Variants in KLHL1 observed in about 807,000 individuals in gnomAD.
KLHL1 encodes the protein kelch-like protein 1.
A neutral mutation model predicts 77.7 loss-of-function variants in KLHL1; 47 were observed. The ratio of observed to expected loss-of-function variants is 0.60; its 90% CI spans 0.48 to 0.77. The LOEUF is 0.77. Among genes scored for constraint, KLHL1 ranks in the 30% least tolerant of loss-of-function variants. The pLI, the probability that KLHL1 is intolerant of heterozygous loss-of-function variation, is 0.00. For synonymous variants in KLHL1, 360 were observed against 325.2 expected, an observed-to-expected ratio of 1.11 and a Z score of -1.15; for missense variants, 925 against 910.8, an observed-to-expected ratio of 1.02 and a Z score of -0.20.
chr13:70,078,054 T>G (rs1887305375), intron 1 of KLHL1, among the ~76,000 whole-genome samples: 1 of 152,016 alleles, frequency 6.6e-6, no homozygotes, highest in Non-Finnish European at 1.5e-5. Context: ...TAAATGATCT[T>G]TTTTCTTTTT....
At chr13:69,735,573 A>G (rs1199323726) in intron 8 of KLHL1, among the ~76,000 whole-genome samples, 1 of 149,582 alleles carries the variant, frequency 6.7e-6, no homozygotes, top group East Asian at 2.0e-4. Context: ...ATAAATAAAC[A>G]CATAATATGT....
chr13:69,724,508 C>A (rs1176606523), intron 8 of KLHL1, among the ~76,000 whole-genome samples: 1 of 151,932 alleles, frequency 6.6e-6, no homozygotes, highest in African/African-American at 2.4e-5. Context: ...GTCAGCATTG[C>A]CCTAATACCA....
At position 69,777,854 on chromosome 13, in the gene KLHL1, C is replaced by T. The variant is rs76404295; in HGVS notation, c.1639+18884G>A. Reference sequence around the variant, plus strand: ...ATGTGTAAAGTCCTTGAATACAATACCTTACTTATCATTTTATTCTGAGTA... The same window carrying T: ...ATGTGTAAAGTCCTTGAATACAATATCTTACTTATCATTTTATTCTGAGTA... On this transcript the variant is annotated intron_variant, in intron 7 of 10. Coordinates refer to ENST00000377844, the MANE Select transcript of KLHL1 (RefSeq NM_020866.3). Among the ~76,000 whole-genome samples, 718 of 152,170 alleles carry T rather than the reference C, an allele frequency of 4.7e-3. 34 individuals carry two copies. The East Asian group carries it at 0.12, about 25-fold the overall frequency.
rs770629395 is a variant in KLHL1, at chr13:70,107,265, C to A, written c.435G>T (p.Leu145=). Residue 145 remains leucine (L), a synonymous_variant, in exon 1 of 11, where the codon CTG becomes CTT. Coordinates refer to ENST00000377844, the MANE Select transcript of KLHL1 (RefSeq NM_020866.3). ...TGTCTGGCTCCACTTTGAGCTCTTGCAGAACCAGCCCTTTTTCGTGTGGTC... is the reference window on the plus strand; with the variant it reads ...TGTCTGGCTCCACTTTGAGCTCTTGAAGAACCAGCCCTTTTTCGTGTGGTC... The part of the protein sequence containing the change: ...FPGPHEKGLV[L]QELKVEPDNS... The A allele has an allele frequency of 1.9e-6, 3 of 1,614,090 alleles. No homozygotes were observed. The highest frequency in any genetic ancestry group is 2.2e-5 in the South Asian group (2 of 91,082).
At chr13:69,956,025 T>TATTTATATATATTTGATATATAG (rs1323712887) in intron 3 of KLHL1, among the ~76,000 whole-genome samples, 1 of 102,722 alleles carries the variant, frequency 9.7e-6, no homozygotes, top group Non-Finnish European at 2.0e-5. Context: ...TTGATATATA[T>TATTTATATATATTTGATATATAG]TTATATATAT....
chr13:70,075,666 T>TGTGTGTATATATATATACACAC (rs1887251341), intron 1 of KLHL1, among the ~76,000 whole-genome samples: 1 of 143,384 alleles, frequency 7.0e-6, no homozygotes, highest in African/African-American at 2.6e-5. Flanking sequence ...TACCTATGTG[T>TGTGTGTATATATATATACACAC]GTGTGTATAT....
intron 7 of KLHL1, among the ~76,000 whole-genome samples, chr13:69,748,143 A>G (rs1354393403): frequency 1.3e-5 from 2 of 152,000 alleles, no homozygotes; most frequent in Admixed American, 6.6e-5. Context: ...TTAATTAACC[A>G]AAGTATTGCC....
chr13:69,930,199 A>G (rs1566413764), intron 4 of KLHL1, among the ~76,000 whole-genome samples: 1 of 151,876 alleles, frequency 6.6e-6, no homozygotes, highest in African/African-American at 2.4e-5. Flanking sequence ...CATGAGATAA[A>G]TTAAGGTAAT....
At chr13:69,777,844 G>C (rs1037479794) in intron 7 of KLHL1, among the ~76,000 whole-genome samples, 1 of 152,126 alleles carries the variant, frequency 6.6e-6, no homozygotes, top group East Asian at 1.9e-4. Flanking sequence ...TAAAGTCCTT[G>C]AATACAATAC....
chr13:69,727,010 CTG>C (rs1311459149), intron 8 of KLHL1, among the ~76,000 whole-genome samples: 1 of 151,954 alleles, frequency 6.6e-6, no homozygotes, highest in Non-Finnish European at 1.5e-5. Context: ...TTAAGTTCCA[CTG>C]AAGCAAGACT....
intron 8 of KLHL1, among the ~76,000 whole-genome samples, chr13:69,734,968 T>C (rs1264402894): frequency 1.3e-5 from 2 of 152,066 alleles, no homozygotes; most frequent in Non-Finnish European, 2.9e-5. Context: ...TAATGAAGAA[T>C]GTTGTGAAAT....
chr13:69,736,708 A>G (rs1873780641), intron 8 of KLHL1, among the ~76,000 whole-genome samples: 1 of 152,026 alleles, frequency 6.6e-6, no homozygotes, highest in East Asian at 1.9e-4. Context: ...ATATACACAC[A>G]CCATGGAATA....
intron 1 of KLHL1, among the ~76,000 whole-genome samples, chr13:70,086,444 G>T (rs1358917981): frequency 6.6e-6 from 1 of 151,166 alleles, no homozygotes; most frequent in African/African-American, 2.4e-5. Flanking sequence ...TTAGCCTGGC[G>T]GTGGTGGGCA....
intron 5 of KLHL1, among the ~76,000 whole-genome samples, chr13:69,880,093 C>T (rs1020654535): frequency 6.6e-6 from 1 of 152,094 alleles, no homozygotes; most frequent in South Asian, 2.1e-4. Context: ...GTAGAAATAT[C>T]TCTGTGTATA....
intron 4 of KLHL1, among the ~76,000 whole-genome samples, chr13:69,921,939 T>C (rs1882654180): frequency 1.3e-5 from 2 of 149,552 alleles, no homozygotes; most frequent in African/African-American, 4.9e-5. Flanking sequence ...TTTTTTTTTT[T>C]TTTTAAAGAG....
At chr13:69,868,565 C>A (rs1284004898) in intron 5 of KLHL1, among the ~76,000 whole-genome samples, 2 of 151,860 alleles carry the variant, frequency 1.3e-5, no homozygotes, top group Admixed American at 6.6e-5. Flanking sequence ...TAAAATTAGG[C>A]CTTGTGGTTT....
chr13:69,711,139 AT>A (rs1433526045), intron 9 of KLHL1, among the ~76,000 whole-genome samples: 7 of 152,124 alleles, frequency 4.6e-5, no homozygotes, highest in Admixed American at 4.6e-4. Context: ...CGGCCTTAAC[AT>A]TTTTGAGGAA....
chr13:70,004,060 G>C (rs1885354141), intron 1 of KLHL1, among the ~76,000 whole-genome samples: 1 of 151,770 alleles, frequency 6.6e-6, no homozygotes, highest in South Asian at 2.1e-4. Context: ...ATTCATACTG[G>C]TTATAACTTT....
intron 10 of KLHL1, among the ~76,000 whole-genome samples, chr13:69,706,385 T>C (rs1381670329): frequency 6.6e-6 from 1 of 151,934 alleles, no homozygotes; most frequent in Non-Finnish European, 1.5e-5. Flanking sequence ...AATTTGGTTT[T>C]GTACTCCGAA....
Sources: allele counts gnomAD v4.1 joint callset (sites outside exome capture counted in the v4.1 genomes callset), GRCh38; gene constraint gnomAD v4.1.1; transcripts MANE v1.5; gene names NCBI Gene and HGNC (gene_info 2026-07-23, HGNC 2026-07-21).